NELL2: variants seen among roughly 807,000 people sequenced by gnomAD.
The protein encoded by NELL2 is neural EGFL like 2, also known as protein kinase C-binding protein NELL2.
In NELL2, 41 loss-of-function variants were observed where a neutral mutation model predicts 109.6. That is an observed-to-expected ratio of 0.37 (90% CI 0.29 to 0.49). NELL2 has a LOEUF of 0.49. Among genes scored for constraint, NELL2 ranks in the 20% least tolerant of loss-of-function variants. The pLI, the probability that NELL2 is intolerant of heterozygous loss-of-function variation, is 0.98. For missense variants in NELL2, 900 were observed against 1,008.3 expected, an observed-to-expected ratio of 0.89 and a Z score of 1.45; for synonymous variants, 355 against 344.7, an observed-to-expected ratio of 1.03 and a Z score of -0.33.
Position 44,730,307 on chromosome 12 carries a change from G to A in NELL2, c.995-15566C>T, listed in dbSNP as rs1239948511. 2.6e-5 allele frequency among the ~76,000 whole-genome samples: 4 copies of A among 152,202 alleles called. No homozygotes were observed. The East Asian group carries it at 7.7e-4, about 29-fold the overall frequency. The stretch of plus-strand genomic sequence containing the variant: ...TAAATGAATCTAACAGACATATATA[G>A]AACATTCCATACAACAGGAGCAGAA... On this transcript the variant is annotated intron_variant, in intron 9 of 19. Coordinates refer to ENST00000429094, the MANE Select transcript of NELL2 (RefSeq NM_001145108.2).
intron 12 of NELL2, among the ~76,000 whole-genome samples, chr12:44,670,608 GA>G (rs1013428552): frequency 8.6e-5 from 13 of 150,674 alleles, no homozygotes; most frequent in East Asian, 3.9e-4. Flanking sequence ...GAGAAGGGAC[GA>G]AAAAAAATCC....
At chr12:44,710,257 C>T (rs536751256) in intron 11 of NELL2, among the ~76,000 whole-genome samples, 1 of 152,176 alleles carries the variant, frequency 6.6e-6, no homozygotes, top group South Asian at 2.1e-4. Flanking sequence ...CATAATGTTT[C>T]TTTGTCTTAC....
intron 3 of NELL2, among the ~76,000 whole-genome samples, chr12:44,787,933 C>T (rs1477429538): frequency 6.6e-5 from 10 of 152,034 alleles, no homozygotes; most frequent in Admixed American, 6.6e-4. Flanking sequence ...AAAGCACTAT[C>T]CATAAAAGGT....
intron 9 of NELL2, among the ~76,000 whole-genome samples, chr12:44,758,438 T>C (rs1940984696): frequency 6.6e-6 from 1 of 152,176 alleles, no homozygotes; most frequent in South Asian, 2.1e-4. Flanking sequence ...CTTGACACAA[T>C]GAATAAAAGT....
intron 9 of NELL2, among the ~76,000 whole-genome samples, chr12:44,721,140 T>C: frequency 6.6e-6 from 1 of 152,368 alleles, no homozygotes; most frequent in African/African-American, 2.4e-5. Context: ...ACGCTATTGC[T>C]GTAAGCAGAG....
intron 1 of NELL2, among the ~76,000 whole-genome samples, chr12:44,904,983 CA>C (rs1300215285): frequency 4.6e-5 from 7 of 151,968 alleles, no homozygotes; most frequent in Non-Finnish European, 1.0e-4. Flanking sequence ...TAAGCAGAGA[CA>C]AAAGTAACCT....
intron 14 of NELL2, 30 bp downstream of exon 14, chr12:44,610,818 G>A (rs773815540): frequency 9.3e-6 from 15 of 1,612,240 alleles, no homozygotes; most frequent in Middle Eastern, 1.6e-4. Context: ...TATACATAAT[G>A]GAAGAGGCAC....
intron 15 of NELL2, among the ~76,000 whole-genome samples, chr12:44,576,395 A>C (rs1368602706): frequency 3.3e-5 from 5 of 152,184 alleles, no homozygotes; most frequent in Non-Finnish European, 5.9e-5. Context: ...ATTAAATCAC[A>C]GGGTCTTCCC....
At chr12:44,760,874 GA>G (rs1366179020) in intron 9 of NELL2, among the ~76,000 whole-genome samples, 3 of 151,978 alleles carry the variant, frequency 2.0e-5, no homozygotes, top group East Asian at 3.8e-4. Context: ...GAACTATTAG[GA>G]AAAGACTAAA....
chr12:44,746,541 C>T (rs994149053), intron 9 of NELL2, among the ~76,000 whole-genome samples: 4 of 152,110 alleles, frequency 2.6e-5, no homozygotes, highest in East Asian at 1.9e-4. Flanking sequence ...ATTTTTGCAA[C>T]CTACTCATCT....
chr12:44,749,720 C>T (rs188655159), intron 9 of NELL2, among the ~76,000 whole-genome samples: 7 of 152,118 alleles, frequency 4.6e-5, no homozygotes, highest in Admixed American at 3.9e-4. Flanking sequence ...CTACTGAGGG[C>T]GTTCTTACAG....
chr12:44,816,131 G>T lies in NELL2; in HGVS notation c.190C>A (p.Pro64Thr), dbSNP rs147430874. 1.3e-6 allele frequency: 2 copies of T among 1,589,048 alleles called. No individual in the cohort carries two copies. The highest frequency in any genetic ancestry group is 2.7e-5 in the African/African-American group (2 of 73,304). The change falls in exon 3 of 20, where the codon CCC becomes ACC. Residue 64 changes from proline (P) to threonine (T), a missense_variant. Pro to Thr is a conservative substitution (Grantham distance 38, BLOSUM62 -1). Transcript: ENST00000429094. ...GTKAFLFQDT[P>T]RSIKASTATA... ...GCAGTGGATGCTTTTATGCTTCTGGGAGTATCTAAAAAAGAAACAAACATA... is the reference window on the plus strand; with the variant it reads ...GCAGTGGATGCTTTTATGCTTCTGGTAGTATCTAAAAAAGAAACAAACATA...
chr12:44,827,662 G>C (rs894003309), intron 2 of NELL2, among the ~76,000 whole-genome samples: 1 of 152,048 alleles, frequency 6.6e-6, no homozygotes, highest in Non-Finnish European at 1.5e-5. Flanking sequence ...TCATTCTTAT[G>C]ACTGAATGGT....
intron 1 of NELL2, among the ~76,000 whole-genome samples, chr12:44,885,003 GT>G (rs1945454416): frequency 6.6e-6 from 1 of 152,018 alleles, no homozygotes; most frequent in East Asian, 1.9e-4. Context: ...AAACAGCTGG[GT>G]GTGGTGGCTC....
At chr12:44,907,062 T>G (rs1021948647) in intron 1 of NELL2, among the ~76,000 whole-genome samples, 1 of 152,076 alleles carries the variant, frequency 6.6e-6, no homozygotes, top group African/African-American at 2.4e-5. Flanking sequence ...AATGGTTTTA[T>G]AAGGGGCTTT....
upstream of NELL2, chr12:44,876,442 C>T (rs984882072): frequency 2.3e-6 from 3 of 1,292,246 alleles, no homozygotes; most frequent in Non-Finnish European, 2.0e-6. Flanking sequence ...GTCGGTCTCC[C>T]GCACGGTCTC....
At chr12:44,838,556 GT>G (rs1234118505) in intron 2 of NELL2, among the ~76,000 whole-genome samples, 2 of 152,074 alleles carry the variant, frequency 1.3e-5, no homozygotes, top group African/African-American at 4.8e-5. Flanking sequence ...TAGTACACAG[GT>G]TCATGGTCAG....
upstream of NELL2, among the ~76,000 whole-genome samples, chr12:44,879,705 T>G (rs1400985808): frequency 6.6e-6 from 1 of 151,998 alleles, no homozygotes; most frequent in Non-Finnish European, 1.5e-5. Flanking sequence ...AAGATGATGA[T>G]ATTACTGATT....
At chr12:44,684,056 C>CTT (rs1424471131) in intron 12 of NELL2, among the ~76,000 whole-genome samples, 1 of 150,758 alleles carries the variant, frequency 6.6e-6, no homozygotes, top group Non-Finnish European at 1.5e-5. Flanking sequence ...GTCCTGGACT[C>CTT]TTTGGTTGGT....
Sources: gnomAD v4.1 joint callset for allele counts (sites outside exome capture counted in the v4.1 genomes callset) on GRCh38, gnomAD v4.1.1 for gene constraint, MANE v1.5 for transcripts, NCBI Gene and HGNC (gene_info 2026-07-23, HGNC 2026-07-21) for gene names.